KPTN: variants seen among roughly 807,000 people sequenced by gnomAD.
KPTN encodes kaptin, actin binding protein.
Under a neutral mutation model 52.6 loss-of-function variants are expected in KPTN, and 36 were observed. The observed-to-expected ratio is 0.68, with a 90% CI of 0.52 to 0.90. The LOEUF (loss-of-function observed/expected upper bound fraction) is 0.90, where lower values mean the gene tolerates loss of function less well. Among genes scored for constraint, KPTN ranks in the 40% least tolerant of loss-of-function variants. The probability of loss-of-function intolerance (pLI) is 0.00; values close to 1 mark genes in which losing one functional copy is unlikely to be tolerated. For missense variants in KPTN, 529 were observed against 576.2 expected, an observed-to-expected ratio of 0.92 and a Z score of 0.84; for synonymous variants, 271 against 248.4, an observed-to-expected ratio of 1.09 and a Z score of -0.85.
In KPTN at chr19:47,479,888, A is replaced by C; in HGVS notation, c.762T>G (p.Ile254Met). 6.2e-7 allele frequency: 1 copy of C among 1,612,910 alleles called. No individual in the cohort carries two copies. The highest frequency in any genetic ancestry group is 8.5e-7 in the Non-Finnish European group (1 of 1,179,560). ...VLQDGPISRV[I>M]VFSLSAAKET... The stretch of plus-strand genomic sequence containing the variant: ...CCTTGGCGGCCGAGAGGCTGAACAC[A>C]ATCACTCGGGAGATGGGACCGTCCT... Residue 254 changes from isoleucine to methionine, a missense_variant, in exon 8 of 12, where the codon ATT becomes ATG. Physicochemically the swap from Ile to Met is conservative, Grantham distance 10. Transcript: ENST00000338134.
chr19:47,476,250 A>C, intron 11 of KPTN: 1 of 226,902 alleles, frequency 4.4e-6, no homozygotes. Context: ...TGGAGGTTGC[A>C]GTGAGCTGAG....
chr19:47,476,911 G>C lies in KPTN; in HGVS notation c.891C>G (p.Asp297Glu). 1 of 1,559,112 alleles carries C rather than the reference G, an allele frequency of 6.4e-7. No homozygotes were observed. Among genetic ancestry groups the C allele is most frequent in the Non-Finnish European group, 8.7e-7 (1 of 1,150,980 alleles). The change falls in exon 10 of 12, where the codon GAC becomes GAG. Residue 297 changes from aspartate (D) to glutamate (E), a missense_variant. By Grantham distance (45) the Asp-to-Glu change is conservative. Transcript: ENST00000338134. ...YRDLLNRGLE[D>E]QLLLPGSDQF... ...GGTCACTGCCGGGCAGGAGAAGCTGGTCTTCAAGACCCCGGTTCAGCAGGT... is the reference window on the plus strand; with the variant it reads ...GGTCACTGCCGGGCAGGAGAAGCTGCTCTTCAAGACCCCGGTTCAGCAGGT...
chr19:47,483,593 G>A lies in KPTN; in HGVS notation c.227-9C>T, dbSNP rs748681190. 20 of 1,545,422 alleles carry A rather than the reference G, an allele frequency of 1.3e-5. No homozygotes were observed. The highest frequency in any genetic ancestry group is 1.7e-4 in the Middle Eastern group (1 of 5,998). ...GACAATCTCCGCATCCACTGGGAGG[G>A]GAGAGTTCTAAGTTCAGTGTCAGGC... On this transcript the variant is annotated splice_polypyrimidine_tract_variant and intron_variant, in intron 1 of 11. Coordinates refer to ENST00000338134, the MANE Select transcript of KPTN (RefSeq NM_007059.4).
chr19:47,480,890 T>C, intron 5 of KPTN, 57 bp from the exon 6 acceptor site: 3 of 1,609,724 alleles, frequency 1.9e-6, no homozygotes, highest in Non-Finnish European at 2.6e-6. Context: ...GCTTCACACA[T>C]ATACCCACCC....
intron 9 of KPTN, 136 bp downstream of exon 9, chr19:47,477,570 C>T: frequency 1.5e-6 from 1 of 648,604 alleles, no homozygotes; most frequent in South Asian, 1.7e-5. Context: ...AGCCCCCACC[C>T]CTGGGTCACG....
intron 7 of KPTN, 31 bp from the exon 8 acceptor site, chr19:47,479,971 A>G (rs755224954): frequency 2.1e-5 from 33 of 1,574,648 alleles, no homozygotes; most frequent in Admixed American, 6.9e-5. Flanking sequence ...CAGAGCCCCA[A>G]CCCCACCCCG....
At chr19:47,484,242 G>T (rs1159216273), upstream of KPTN, 8 of 1,452,076 alleles carry the variant, frequency 5.5e-6, no homozygotes. Context: ...GACCTGAACC[G>T]CCGGGTGCCC....
At chr19:47,482,610 T>C (rs547574550) in intron 4 of KPTN, among the ~76,000 whole-genome samples, 20 of 152,334 alleles carry the variant, frequency 1.3e-4, no homozygotes, top group Admixed American at 4.6e-4. Context: ...CATATGTGTG[T>C]GTGCACATGT....
intron 8 of KPTN, among the ~76,000 whole-genome samples, chr19:47,479,454 T>C (rs1480949217): frequency 6.6e-6 from 1 of 152,048 alleles, no homozygotes; most frequent in Admixed American, 6.6e-5. Context: ...TCCAGGAGCA[T>C]AGCCGGGAGC....
At chr19:47,480,223 A>C in intron 7 of KPTN, 75 bp downstream of exon 7, 3 of 596,036 alleles carry the variant, frequency 5.0e-6, no homozygotes, top group Admixed American at 3.6e-5. Flanking sequence ...ACCCAGCTCC[A>C]GCCCTCAGCC....
In KPTN at chr19:47,483,474, G is replaced by T. The variant is rs2293423; in HGVS notation, c.309+28C>A. On this transcript the variant is annotated intron_variant, in intron 2 of 11. Transcript: ENST00000338134. ...TCACCATGTGTGTAAGGAGGAGGGC[G>T]AAGGGAGGTGGAGGGGGCTCTAGGT... 2.2e-4 allele frequency: 355 copies of T among 1,598,536 alleles called. 2 individuals carry two copies. In the East Asian group the frequency reaches 6.0e-3, roughly 27 times the overall value.
At chr19:47,478,951 TG>T (rs1483404940) in intron 8 of KPTN, among the ~76,000 whole-genome samples, 1 of 152,248 alleles carries the variant, frequency 6.6e-6, no homozygotes, top group Non-Finnish European at 1.5e-5. Context: ...GGACACTAGC[TG>T]GGTGATGGGT....
rs781426326 is a variant in KPTN, at chr19:47,475,384, C to T, written c.*32G>A. The T allele has an allele frequency of 1.9e-6, 3 of 1,606,662 alleles. No individual in the cohort carries two copies. The highest frequency in any genetic ancestry group is 2.7e-5 in the African/African-American group (2 of 74,746). On this transcript the variant is annotated 3_prime_UTR_variant, in exon 12 of 12. Coordinates refer to ENST00000338134, the MANE Select transcript of KPTN (RefSeq NM_007059.4). ...TGGAGGTGAGCACGCCATGAGTCGC[C>T]CCAGGTCTGGGAAGAGTGGGTGCAT...
chr19:47,480,336 C>G lies in KPTN; in HGVS notation c.671G>C (p.Gly224Ala). ...RRLSALGCQSGYVRVAHVDQR... is the reference protein window; with the variant it reads ...RRLSALGCQSAYVRVAHVDQR... ...GTCCACGTGGGCGACACGGACATAA[C>G]CACTCTGACAGCCCAGAGCTGAGAG... is the stretch of plus-strand genomic sequence containing the variant. Residue 224 changes from glycine (G) to alanine (A), a missense_variant, in exon 7 of 12, where the codon GGT (glycine) becomes GCT (alanine). Gly to Ala is a moderately conservative substitution (Grantham distance 60). Coordinates refer to ENST00000338134, the MANE Select transcript of KPTN (RefSeq NM_007059.4). 6.6e-7 allele frequency: 1 copy of G among 1,517,090 alleles called. No homozygotes were observed. 94.0% of individuals were successfully genotyped at this position (1,517,090 alleles called of 1,614,324 possible). A position where few individuals can be genotyped will look rare whatever the true frequency, so the allele number is the denominator to read the frequency against.
Position 47,483,980 on chromosome 19 carries a change from T to G in KPTN, c.181A>C (p.Lys61Gln). ...AGCTCCTTGGCCACTGGCCGGATTT[T>G]CTGTCGGAGGTCTTGGTAGCGGAAG... Reference protein sequence around the residue: ...LGFRYQDLRQKIRPVAKELQF... With the variant: ...LGFRYQDLRQQIRPVAKELQF... Residue 61 changes from lysine to glutamine, a missense_variant, in exon 1 of 12, where the codon AAA becomes CAA. Physicochemically the swap from Lys to Gln is moderately conservative, Grantham distance 53. Coordinates refer to ENST00000338134, the MANE Select transcript of KPTN (RefSeq NM_007059.4). The G allele has an allele frequency of 6.2e-7, 1 of 1,613,614 alleles. No individual in the cohort carries two copies. Among genetic ancestry groups the G allele is most frequent in the Non-Finnish European group, 8.5e-7 (1 of 1,179,958 alleles).
intron 9 of KPTN, among the ~76,000 whole-genome samples, chr19:47,477,185 A>G (rs1457752609): frequency 6.6e-6 from 1 of 152,184 alleles, no homozygotes. Flanking sequence ...ACAGTGTCCC[A>G]TCTGAGGATT....
chr19:47,483,563 A>G lies in KPTN; in HGVS notation c.248T>C (p.Ile83Thr), dbSNP rs1442588612. 6.4e-7 allele frequency: 1 copy of G among 1,564,982 alleles called. No homozygotes were observed. Among genetic ancestry groups the G allele is most frequent in the Non-Finnish European group, 8.7e-7 (1 of 1,154,162 alleles). ...YIPVDAEIVSIDTFNKSPPKR... is the reference protein window; with the variant it reads ...YIPVDAEIVSTDTFNKSPPKR... ...GGGGGGTGACTTGTTGAAAGTGTCG[A>G]TGGAGACAATCTCCGCATCCACTGG... Residue 83 changes from isoleucine (I) to threonine (T), a missense_variant, in exon 2 of 12, where the codon ATC becomes ACC. Ile to Thr is a moderately conservative substitution (Grantham distance 89). Transcript: ENST00000338134.
chr19:47,484,038 C>G lies in KPTN; in HGVS notation c.123G>C (p.Leu41=). Residue 41 remains leucine, a synonymous_variant, in exon 1 of 12, where the codon CTG becomes CTC. Coordinates refer to ENST00000338134, the MANE Select transcript of KPTN (RefSeq NM_007059.4). ...LAGGAGGRGE[L]LAATLKGKVL... is the part of the protein sequence containing the mutation. ...CCTTGCCTTTAAGGGTGGCGGCCAG[C>G]AGCTCCCCGCGCCCGCCGGCGCCGC... 1 of 1,611,686 alleles carries G rather than the reference C, an allele frequency of 6.2e-7. No individual in the cohort carries two copies. Among genetic ancestry groups the G allele is most frequent in the Non-Finnish European group, 8.5e-7 (1 of 1,179,870 alleles).
At chr19:47,479,533 C>T (rs970756581) in intron 8 of KPTN, among the ~76,000 whole-genome samples, 13 of 152,178 alleles carry the variant, frequency 8.5e-5, no homozygotes, top group African/African-American at 2.9e-4. Flanking sequence ...GTGAGACGTG[C>T]AGGTTAGAGT....
Sources: allele counts gnomAD v4.1 joint callset (sites outside exome capture counted in the v4.1 genomes callset), GRCh38; gene constraint gnomAD v4.1.1; transcripts MANE v1.5; gene names NCBI Gene and HGNC (gene_info 2026-07-23, HGNC 2026-07-21).